The following FAT3 variants were observed in gnomAD, a reference collection of about 807,000 sequenced individuals.
The protein encoded by FAT3 is protocadherin Fat 3.
FAT3 carries 95 observed loss-of-function variants against 310.2 expected under a neutral mutation model. The ratio of observed to expected loss-of-function variants is 0.31; its 90% CI spans 0.26 to 0.36. The LOEUF is 0.36. FAT3 is among the 10% of genes least tolerant of loss of function. The pLI, the probability that FAT3 is intolerant of heterozygous loss-of-function variation, is 1.00. For synonymous variants in FAT3, 2,314 were observed against 2,192.9 expected, an observed-to-expected ratio of 1.06 and a Z score of -1.54; for missense variants, 5,408 against 5,715.6, an observed-to-expected ratio of 0.95 and a Z score of 1.74.
intron 1 of FAT3, among the ~76,000 whole-genome samples, chr11:92,252,659 T>C (rs1284063880): frequency 6.6e-6 from 1 of 152,170 alleles, no homozygotes; most frequent in East Asian, 1.9e-4. Context: ...TTCTTTCTAC[T>C]GTTGTGCCTT....
intron 2 of FAT3, among the ~76,000 whole-genome samples, chr11:92,357,105 A>G (rs1007033842): frequency 2.6e-5 from 4 of 152,184 alleles, no homozygotes; most frequent in African/African-American, 7.2e-5. Context: ...GCACAAAATG[A>G]TAAAAGAGGG....
At position 92,447,215 on chromosome 11, in the gene FAT3, A is replaced by ATGTGTGCG. The variant is rs1306394556; in HGVS notation, c.3293-77412_3293-77405dup. Among the ~76,000 whole-genome samples the ATGTGTGCG allele has an allele frequency of 7.3e-3, 899 of 122,956 alleles. 10 individuals carry two copies. Among genetic ancestry groups the ATGTGTGCG allele is most frequent in the African/African-American group, 0.025 (824 of 33,450 alleles). The allele number at this position is 122,956 out of a possible 152,430, so 80.7% of individuals were successfully genotyped here. A position where few individuals can be genotyped will look rare whatever the true frequency, so the allele number is the denominator to read the frequency against. On this transcript the variant is annotated intron_variant, in intron 2 of 27. Transcript: ENST00000525166. ...TGTGTTCATATATATGTGTATGTAT[A>ATGTGTGCG]TGTGTGCGTGTGTGTGTGTGTGTGT...
chr11:92,595,379 A>T (rs1939651258), intron 3 of FAT3, among the ~76,000 whole-genome samples: 1 of 152,178 alleles, frequency 6.6e-6, no homozygotes, highest in African/African-American at 2.4e-5. Flanking sequence ...TGAATTGAGC[A>T]CAGGGATGTG....
At chr11:92,399,652 C>T (rs367665546) in intron 2 of FAT3, among the ~76,000 whole-genome samples, 3 of 152,098 alleles carry the variant, frequency 2.0e-5, no homozygotes, top group African/African-American at 7.2e-5. Flanking sequence ...TTTCCATGAC[C>T]CTTTATTCCA....
chr11:92,248,262 G>A (rs1865004699), intron 1 of FAT3, among the ~76,000 whole-genome samples: 1 of 151,972 alleles, frequency 6.6e-6, no homozygotes, highest in South Asian at 2.1e-4. Flanking sequence ...ATACTCTCAT[G>A]TATCAGTTGC....
At chr11:92,257,536 AT>A (rs1380926003) in intron 1 of FAT3, among the ~76,000 whole-genome samples, 2 of 152,126 alleles carry the variant, frequency 1.3e-5, no homozygotes, top group Non-Finnish European at 2.9e-5. Flanking sequence ...GCCTAAAAAA[AT>A]ATCGACAAAA....
chr11:92,882,579 T>TTA (rs1949692531), intron 23 of FAT3, among the ~76,000 whole-genome samples, 159 bp from the exon 24 acceptor site: 1 of 80,334 alleles, frequency 1.2e-5, no homozygotes, highest in East Asian at 2.9e-4. Context: ...CTAAATTAAC[T>TTA]CCCCCTCCCC....
At chr11:92,314,279 G>T in intron 1 of FAT3, 1 of 982,762 alleles carries the variant, frequency 1.0e-6, no homozygotes, top group Non-Finnish European at 1.2e-6. Flanking sequence ...AGATTCTAAG[G>T]TTCAGATGAG....
chr11:92,883,522 C>G lies in FAT3; in HGVS notation c.12937+129C>G, dbSNP rs865969745. On this transcript the variant is annotated intron_variant, in intron 24 of 27. Coordinates refer to ENST00000525166, the MANE Select transcript of FAT3 (RefSeq NM_001367949.2). The surrounding 1 kb of genome is among the most constrained non-coding windows in gnomAD (Gnocchi z 4.2). Reference sequence around the variant, plus strand: ...CATTCGCTATGACATGTGCTGATGTCGAATGTGCACACCAGCTCTGGAAAA... The same window carrying G: ...CATTCGCTATGACATGTGCTGATGTGGAATGTGCACACCAGCTCTGGAAAA... 37 of 1,209,662 alleles carry G rather than the reference C, an allele frequency of 3.1e-5. No homozygotes were observed. Among genetic ancestry groups the G allele is most frequent in the Middle Eastern group, 5.8e-4 (2 of 3,444 alleles). The allele number at this position is 1,209,662 out of a possible 1,614,324, so 74.9% of individuals were successfully genotyped here.
chr11:92,315,510 T>TAGAG (rs1197551111), intron 1 of FAT3, among the ~76,000 whole-genome samples: 196 of 78,128 alleles, frequency 2.5e-3, no homozygotes, highest in Non-Finnish European at 3.4e-3. Flanking sequence ...TATATATATA[T>TAGAG]ATAGAGAGAG....
In FAT3 at chr11:92,439,940, GA is replaced by G. The variant is rs879502193; in HGVS notation, c.3292+84548del. On this transcript the variant is annotated intron_variant, in intron 2 of 27. Transcript: ENST00000525166. The stretch of plus-strand genomic sequence containing the variant: ...CAAAAAGAAAGAAAAAGAAAAGAAA[GA>G]AAAAAAAAAAACCTGCTGAAGCTGG... 9.5e-3 allele frequency among the ~76,000 whole-genome samples: 1,319 copies of G among 138,936 alleles called. 16 individuals are homozygous for G. Among genetic ancestry groups the G allele is most frequent in the African/African-American group, 0.027 (1,038 of 38,362 alleles). 91.1% of individuals were successfully genotyped at this position (138,936 alleles called of 152,430 possible).
chr11:92,878,461 G>A lies in FAT3; in HGVS notation c.12128-2270G>A, dbSNP rs140456991. On this transcript the variant is annotated intron_variant, in intron 22 of 27. Transcript: ENST00000525166. ...TTGACCCAACATCTGGCTACCAATA[G>A]GCTACCCAAGTTGACACATAAGGTT... Among the ~76,000 whole-genome samples the A allele has an allele frequency of 7.4e-3, 1,127 of 151,538 alleles. 15 individuals carry two copies. The highest frequency in any genetic ancestry group is 0.026 in the African/African-American group (1,077 of 41,296).
chr11:92,537,460 C>T (rs933057716), intron 3 of FAT3, among the ~76,000 whole-genome samples: 34 of 152,092 alleles, frequency 2.2e-4, no homozygotes, highest in Non-Finnish European at 4.3e-4. Context: ...TAGCAGCCTC[C>T]TTTCCTGTGT....
intron 4 of FAT3, among the ~76,000 whole-genome samples, chr11:92,755,218 T>C (rs1460408521): frequency 6.6e-6 from 1 of 151,968 alleles, no homozygotes; most frequent in Non-Finnish European, 1.5e-5. Flanking sequence ...GAGTAGTTTT[T>C]GTTTGTTTGT....
intron 4 of FAT3, among the ~76,000 whole-genome samples, chr11:92,722,323 C>A (rs1439237427): frequency 6.6e-6 from 1 of 152,194 alleles, no homozygotes; most frequent in Non-Finnish European, 1.5e-5. Context: ...TCTTAAAGCT[C>A]CAAAATGATC....
At chr11:92,688,816 G>C (rs1428262445) in intron 3 of FAT3, among the ~76,000 whole-genome samples, 3 of 152,158 alleles carry the variant, frequency 2.0e-5, no homozygotes. Flanking sequence ...TCAAAAAAAT[G>C]TAACCATGCA....
chr11:92,275,473 AAT>A (rs1239829838), intron 1 of FAT3, among the ~76,000 whole-genome samples: 1 of 151,930 alleles, frequency 6.6e-6, no homozygotes, highest in Non-Finnish European at 1.5e-5. Context: ...CAAACATAAG[AAT>A]AAGCATGCTT....
rs796106709 is a variant in FAT3, at chr11:92,488,450, G to GCCCCCCCCC, written c.3293-36181_3293-36173dup. ...TACACAGAAATAAATAACTAGCACC[G>GCCCCCCCCC]CCCCCCCCCCCGCCCCCCAACCAGC... On this transcript the variant is annotated intron_variant, in intron 2 of 27. Coordinates refer to ENST00000525166, the MANE Select transcript of FAT3 (RefSeq NM_001367949.2). 3.2e-4 allele frequency among the ~76,000 whole-genome samples: 3 copies of GCCCCCCCCC among 9,366 alleles called. 1 individual carries two copies. The highest frequency in any genetic ancestry group is 6.4e-4 in the Non-Finnish European group (2 of 3,138). 6.1% of individuals were successfully genotyped at this position (9,366 alleles called of 152,430 possible).
chr11:92,883,116 C>T lies in FAT3; in HGVS notation c.12660C>T (p.Asn4220=), dbSNP rs371295182. The part of the protein sequence containing the change: ...RNLRGSGDGR[N]VYQEVGPPQV... ...TGCGCGGCAGTGGGGACGGCCGCAA[C>T]GTCTACCAGGAGGTGGGGCCCCCGC... The change falls in exon 24 of 28, where the codon AAC becomes AAT. Residue 4220 remains asparagine (N), a synonymous_variant. Transcript: ENST00000525166. The surrounding 1 kb of genome is among the most constrained non-coding windows in gnomAD (Gnocchi z 4.2). The T allele has an allele frequency of 3.1e-6, 5 of 1,613,680 alleles. No homozygotes were observed. Among genetic ancestry groups the T allele is most frequent in the Non-Finnish European group, 4.2e-6 (5 of 1,179,890 alleles).
Sources: allele counts gnomAD v4.1 joint callset (sites outside exome capture counted in the v4.1 genomes callset), GRCh38; gene constraint gnomAD v4.1.1; non-coding constraint Gnocchi (gnomAD v3.1); transcripts MANE v1.5; gene names NCBI Gene and HGNC (gene_info 2026-07-23, HGNC 2026-07-21).